TBC1D14: variants seen among roughly 807,000 people sequenced by gnomAD.
TBC1D14 encodes TBC1 domain family, member 14.
Under a neutral mutation model 79.0 loss-of-function variants are expected in TBC1D14, and 26 were observed. That is an observed-to-expected ratio of 0.33 (90% CI 0.24 to 0.46). The LOEUF (loss-of-function observed/expected upper bound fraction) is 0.46, where lower values mean the gene tolerates loss of function less well. Ranked by LOEUF, TBC1D14 falls within the 20% of genes least tolerant of loss-of-function variation. The pLI is 1.00. For missense variants in TBC1D14, 769 were observed against 887.6 expected, an observed-to-expected ratio of 0.87 and a Z score of 1.70; for synonymous variants, 394 against 349.9, an observed-to-expected ratio of 1.13 and a Z score of -1.40.
chr4:6,998,885 A>G, intron 5 of TBC1D14, 200 bp from the exon 6 acceptor site: 1 of 562,188 alleles, frequency 1.8e-6, no homozygotes, highest in Non-Finnish European at 3.2e-6. Flanking sequence ...TAGATGTTAG[A>G]CTTTGCAAGC....
intron 6 of TBC1D14, 37 bp from the exon 7 acceptor site, chr4:7,001,108 G>A (rs745685499): frequency 6.3e-7 from 1 of 1,585,684 alleles, no homozygotes; most frequent in East Asian, 2.2e-5. Flanking sequence ...GTCTTTGTGT[G>A]GAACAAACTC....
At chr4:6,983,442 C>G (rs117778757) in intron 3 of TBC1D14, among the ~76,000 whole-genome samples, 1 of 152,206 alleles carries the variant, frequency 6.6e-6, no homozygotes, top group East Asian at 1.9e-4. Context: ...ATTGAGCTTT[C>G]TAGTGGCCAG....
intron 9 of TBC1D14, among the ~76,000 whole-genome samples, chr4:7,008,818 A>G (rs1720474817): frequency 6.6e-6 from 1 of 152,234 alleles, no homozygotes; most frequent in African/African-American, 2.4e-5. Context: ...AAACACATTT[A>G]GCTTTAAGAG....
At chr4:6,911,385 G>C (rs1436343314) in intron 1 of TBC1D14, among the ~76,000 whole-genome samples, 1 of 152,238 alleles carries the variant, frequency 6.6e-6, no homozygotes, top group Non-Finnish European at 1.5e-5. Context: ...GAGAGTCAGA[G>C]ATGGGATTCA....
intron 12 of TBC1D14, among the ~76,000 whole-genome samples, chr4:7,019,611 C>T (rs1721612166): frequency 1.3e-5 from 2 of 152,238 alleles, no homozygotes; most frequent in South Asian, 4.1e-4. Flanking sequence ...GAAGTGGGAG[C>T]CTGCATTCTC....
At chr4:6,987,135 C>G in intron 3 of TBC1D14, 1 of 1,132,418 alleles carries the variant, frequency 8.8e-7, no homozygotes, top group East Asian at 4.4e-5. Context: ...TTGGGAGTCT[C>G]CAGCCAGGCC....
intron 1 of TBC1D14, among the ~76,000 whole-genome samples, chr4:6,921,535 T>A (rs971643843): frequency 2.0e-5 from 3 of 151,870 alleles, no homozygotes; most frequent in Admixed American, 6.6e-5. Flanking sequence ...TTTTATTTTT[T>A]TATTTTTTGA....
intron 4 of TBC1D14, among the ~76,000 whole-genome samples, 197 bp from the exon 5 acceptor site, chr4:6,996,128 C>G (rs1437967080): frequency 1.3e-5 from 2 of 152,170 alleles, no homozygotes; most frequent in African/African-American, 4.8e-5. Context: ...GAGCCACATT[C>G]ATTTGTTTTA....
At chr4:6,982,242 G>C (rs1368123898) in intron 3 of TBC1D14, among the ~76,000 whole-genome samples, 1 of 152,190 alleles carries the variant, frequency 6.6e-6, no homozygotes, top group Non-Finnish European at 1.5e-5. Flanking sequence ...TTCAATGAAT[G>C]GATGAATGGT....
At chr4:6,933,452 G>A (rs1711991050) in intron 2 of TBC1D14, among the ~76,000 whole-genome samples, 1 of 151,330 alleles carries the variant, frequency 6.6e-6, no homozygotes, top group Non-Finnish European at 1.5e-5. Flanking sequence ...TCACAGACGT[G>A]CGCCATCACA....
At chr4:6,946,573 G>A (rs1017132014) in intron 2 of TBC1D14, among the ~76,000 whole-genome samples, 6 of 152,016 alleles carry the variant, frequency 3.9e-5, no homozygotes, top group African/African-American at 1.2e-4. Context: ...CACCTGCCTC[G>A]GCCTTCCAAA....
At chr4:6,976,595 T>C (rs1343585099) in intron 3 of TBC1D14, among the ~76,000 whole-genome samples, 1 of 152,076 alleles carries the variant, frequency 6.6e-6, no homozygotes, top group Non-Finnish European at 1.5e-5. Flanking sequence ...GAAAGTGAAA[T>C]AAAGATATTC....
intron 3 of TBC1D14, among the ~76,000 whole-genome samples, chr4:6,969,103 TCTGGACCCAGGGGAC>T (rs1715987621): frequency 6.6e-6 from 1 of 152,234 alleles, no homozygotes; most frequent in Non-Finnish European, 1.5e-5. Context: ...GCTGTAATCA[TCTGGACCCAGGGGAC>T]TCACTAAGTA....
chr4:7,006,019 CAA>C (rs1295810324), intron 8 of TBC1D14, among the ~76,000 whole-genome samples: 2 of 152,068 alleles, frequency 1.3e-5, no homozygotes, highest in African/African-American at 2.4e-5. Flanking sequence ...AAGTATAAAA[CAA>C]ATTATTTATG....
intron 2 of TBC1D14, among the ~76,000 whole-genome samples, chr4:6,937,883 A>ACAGC (rs1560261201): frequency 6.6e-6 from 1 of 152,116 alleles, no homozygotes; most frequent in Non-Finnish European, 1.5e-5. Flanking sequence ...CTCCAGTCAC[A>ACAGC]CAGCCGGCTG....
intron 12 of TBC1D14, among the ~76,000 whole-genome samples, chr4:7,022,625 G>A (rs1168885192): frequency 1.3e-5 from 2 of 152,152 alleles, no homozygotes; most frequent in East Asian, 1.9e-4. Context: ...GCAGCACGGC[G>A]TCAGCAGTAA....
intron 9 of TBC1D14, 121 bp from the exon 10 acceptor site, chr4:7,009,756 G>A (rs951130436): frequency 6.1e-6 from 6 of 981,666 alleles, no homozygotes; most frequent in Admixed American, 5.3e-5. Context: ...ATCATGCTTG[G>A]CATATTTCAT....
In TBC1D14 at chr4:7,032,699, G is replaced by A. The variant is rs534559929; in HGVS notation, c.*2307G>A. The A allele has an allele frequency of 1.1e-4, 16 of 152,248 alleles. No homozygotes were observed. Among genetic ancestry groups the A allele is most frequent in the African/African-American group, 3.4e-4 (14 of 41,502 alleles). 9.4% of individuals were successfully genotyped at this position (152,248 alleles called of 1,614,324 possible). A position where few individuals can be genotyped will look rare whatever the true frequency, so the allele number is the denominator to read the frequency against. On this transcript the variant is annotated 3_prime_UTR_variant, in exon 14 of 14. Transcript: ENST00000409757. ...TTAACACCTCGGCACAGAGGCTGTT[G>A]GCAAGTGTAGAGGCTGCCTCTGTGT...
At chr4:6,981,847 G>C (rs1332532407) in intron 3 of TBC1D14, among the ~76,000 whole-genome samples, 1 of 152,182 alleles carries the variant, frequency 6.6e-6, no homozygotes, top group Admixed American at 6.5e-5. Context: ...TCTCAGCAAA[G>C]AAGAAATGGA....
Sources: allele counts gnomAD v4.1 joint callset (sites outside exome capture counted in the v4.1 genomes callset), GRCh38; gene constraint gnomAD v4.1.1; transcripts MANE v1.5; gene names NCBI Gene and HGNC (gene_info 2026-07-23, HGNC 2026-07-21).